ADAD1: variants seen among roughly 807,000 people sequenced by gnomAD.
ADAD1 encodes adenosine deaminase domain containing 1.
Under a neutral mutation model 66.8 loss-of-function variants are expected in ADAD1, and 46 were observed. The observed-to-expected ratio is 0.69, with a 90% CI of 0.54 to 0.88. The LOEUF (loss-of-function observed/expected upper bound fraction) is 0.88, where lower values mean the gene tolerates loss of function less well. Among genes scored for constraint, ADAD1 ranks in the 40% least tolerant of loss-of-function variants. The probability of loss-of-function intolerance (pLI) is 0.00; values close to 1 mark genes in which losing one functional copy is unlikely to be tolerated. For synonymous variants in ADAD1, 248 were observed against 229.4 expected (o/e 1.08, Z -0.73); for missense variants, 617 against 681.8 (o/e 0.91, Z 1.06).
chr4:122,409,219 G>A (rs964240730), intron 8 of ADAD1, among the ~76,000 whole-genome samples: 1 of 152,148 alleles, frequency 6.6e-6, no homozygotes, highest in African/African-American at 2.4e-5. Context: ...GGAATGAATA[G>A]CAAGTGGGAA....
At position 122,412,685 on chromosome 4, in the gene ADAD1, T is replaced by C. The variant is rs1174267394; in HGVS notation, c.1125T>C (p.Asp375=). Residue 375 remains aspartate, a synonymous_variant, in exon 10 of 13, where the codon GAT becomes GAC. Coordinates refer to ENST00000296513, the MANE Select transcript of ADAD1 (RefSeq NM_139243.4). ...ATCTGACTGTTTACTGTCCTAAAGA[T>C]GGTGTTAATAGAATAAGCAGTATGT... is the stretch of plus-strand genomic sequence containing the variant. ...KIYLTVYCPK[D]GVNRISSMSS... The C allele has an allele frequency of 2.5e-6, 4 of 1,613,784 alleles. No homozygotes were observed. Among genetic ancestry groups the C allele is most frequent in the Non-Finnish European group, 3.4e-6 (4 of 1,179,828 alleles).
chr4:122,394,944 T>C (rs972298869), intron 6 of ADAD1, among the ~76,000 whole-genome samples: 4 of 152,222 alleles, frequency 2.6e-5, no homozygotes, highest in African/African-American at 9.6e-5. Flanking sequence ...TTTTGGATGT[T>C]ATAACTTTTG....
chr4:122,393,903 T>A (rs76992382), intron 6 of ADAD1, among the ~76,000 whole-genome samples: 4 of 152,208 alleles, frequency 2.6e-5, no homozygotes, highest in Admixed American at 1.3e-4. Flanking sequence ...ATCAATTTCA[T>A]ACATCTTTTT....
In ADAD1 at chr4:122,397,999, A is replaced by T. The variant is rs186997569; in HGVS notation, c.724+1622A>T. On this transcript the variant is annotated intron_variant, in intron 7 of 12. Coordinates refer to ENST00000296513, the MANE Select transcript of ADAD1 (RefSeq NM_139243.4). ...TAGAAATTTTGCCTCATCAGTTTTTAAAAAATTTCAGTAGTTTTGGGGGAA... is the reference window on the plus strand; with the variant it reads ...TAGAAATTTTGCCTCATCAGTTTTTTAAAAATTTCAGTAGTTTTGGGGGAA... 8.7e-3 allele frequency among the ~76,000 whole-genome samples: 1,323 copies of T among 152,252 alleles called. 24 individuals carry two copies. The highest frequency in any genetic ancestry group is 0.03 in the African/African-American group (1,251 of 41,550).
Position 122,396,239 on chromosome 4 carries a change from G to T in ADAD1, c.599-13G>T. ...ACAATGTTCTTGAAATTTATGTTTT[G>T]ATTTTTTTCTAGAAGGGAGACATAT... is the stretch of plus-strand genomic sequence containing the variant. On this transcript the variant is annotated splice_polypyrimidine_tract_variant and intron_variant, in intron 6 of 12. Transcript: ENST00000296513. 1.9e-6 allele frequency: 3 copies of T among 1,559,272 alleles called. No individual in the cohort carries two copies. The South Asian group carries it at 3.8e-5, about 20-fold the overall frequency.
At chr4:122,384,039 T>G in intron 5 of ADAD1, 73 bp downstream of exon 5, 1 of 1,315,302 alleles carries the variant, frequency 7.6e-7, no homozygotes, top group Non-Finnish European at 1.0e-6. Context: ...AAGATTTATG[T>G]TAATGAGAGT....
chr4:122,429,166 G>A (rs1356765494), intron 12 of ADAD1, among the ~76,000 whole-genome samples: 1 of 151,746 alleles, frequency 6.6e-6, no homozygotes, highest in African/African-American at 2.4e-5. Flanking sequence ...GGCCAGGTGT[G>A]GTGGCTCATG....
At chr4:122,427,342 A>G (rs2150615848) in intron 12 of ADAD1, among the ~76,000 whole-genome samples, 1 of 152,260 alleles carries the variant, frequency 6.6e-6, no homozygotes, top group South Asian at 2.1e-4. Flanking sequence ...TAGATGAGAG[A>G]AATTGAAGGA....
At position 122,411,260 on chromosome 4, in the gene ADAD1, A is replaced by T. The variant is rs200348694; in HGVS notation, c.887A>T (p.Asn296Ile). Residue 296 changes from asparagine (N) to isoleucine (I), a missense_variant, in exon 9 of 13, where the codon AAT (asparagine) becomes ATT (isoleucine). Asn to Ile is a moderately radical substitution (Grantham distance 149). Coordinates refer to ENST00000296513, the MANE Select transcript of ADAD1 (RefSeq NM_139243.4). ...YRQLLLFYSK[N>I]PAMMEKSIFC... Reference sequence around the variant, plus strand: ...CAACTTCTGCTCTTCTACAGCAAAAATCCTGCTATGATGGAAAAATCAATA... The same window carrying T: ...CAACTTCTGCTCTTCTACAGCAAAATTCCTGCTATGATGGAAAAATCAATA... 3.7e-6 allele frequency: 6 copies of T among 1,609,808 alleles called. No homozygotes were observed. In the African/African-American group the frequency reaches 4.0e-5, roughly 11 times the overall value.
At chr4:122,411,568 A>C (rs1796468206) in intron 9 of ADAD1, among the ~76,000 whole-genome samples, 176 bp downstream of exon 9, 1 of 152,114 alleles carries the variant, frequency 6.6e-6, no homozygotes, top group Admixed American at 6.6e-5. Context: ...CGTCAATCTA[A>C]TCTATTACTT....
At chr4:122,382,183 A>C (rs1006735856) in intron 4 of ADAD1, among the ~76,000 whole-genome samples, 13 of 152,364 alleles carry the variant, frequency 8.5e-5, no homozygotes, top group Non-Finnish European at 1.5e-4. Context: ...ATTGTAAGAA[A>C]AAATAAATGA....
At chr4:122,407,166 CTTTG>C (rs1560594111) in intron 7 of ADAD1, among the ~76,000 whole-genome samples, 2 of 151,858 alleles carry the variant, frequency 1.3e-5, no homozygotes, top group African/African-American at 4.8e-5. Context: ...TAGAACTGAA[CTTTG>C]TTTGAAAAAC....
rs368577732 is a variant in ADAD1, at chr4:122,407,943, G to C, written c.760G>C (p.Glu254Gln). The C allele has an allele frequency of 5.1e-5, 82 of 1,613,618 alleles. No individual in the cohort carries two copies. Among genetic ancestry groups the C allele is most frequent in the Non-Finnish European group, 6.7e-5 (79 of 1,179,782 alleles). Residue 254 changes from glutamate to glutamine, a missense_variant, in exon 8 of 13, where the codon GAA becomes CAA. Glu to Gln is a conservative substitution (Grantham distance 29, BLOSUM62 2). Transcript: ENST00000296513. Reference protein sequence around the residue: ...QHEVVAIGTGEYNYSQDIKPD... With the variant: ...QHEVVAIGTGQYNYSQDIKPD... Reference sequence around the variant, plus strand: ...TGAGGTTGTAGCTATAGGCACAGGTGAATACAATTACAGCCAGGACATTAA... The same window carrying C: ...TGAGGTTGTAGCTATAGGCACAGGTCAATACAATTACAGCCAGGACATTAA...
intron 7 of ADAD1, among the ~76,000 whole-genome samples, chr4:122,401,784 G>A (rs1795994120): frequency 6.6e-6 from 1 of 152,042 alleles, no homozygotes; most frequent in Non-Finnish European, 1.5e-5. Context: ...CTGCTTTAAA[G>A]TTTGTTTTAT....
At chr4:122,405,540 T>G (rs1052438272) in intron 7 of ADAD1, among the ~76,000 whole-genome samples, 3 of 152,146 alleles carry the variant, frequency 2.0e-5, no homozygotes, top group African/African-American at 7.2e-5. Context: ...TTAACACAGT[T>G]TACCACTCCT....
intron 10 of ADAD1, among the ~76,000 whole-genome samples, chr4:122,413,444 T>C (rs1388066717): frequency 1.3e-5 from 2 of 152,146 alleles, no homozygotes; most frequent in East Asian, 3.8e-4. Context: ...AAAATTCTCT[T>C]TCTTGACTAT....
chr4:122,407,757 C>CTT (rs1449438425), intron 7 of ADAD1, 151 bp from the exon 8 acceptor site: 1 of 881,106 alleles, frequency 1.1e-6, no homozygotes, highest in Non-Finnish European at 1.6e-6. Context: ...TTAGAAGACT[C>CTT]TAAGACTCTT....
At chr4:122,410,961 ACT>A (rs1301516546) in intron 8 of ADAD1, among the ~76,000 whole-genome samples, 2 of 151,994 alleles carry the variant, frequency 1.3e-5, no homozygotes, top group African/African-American at 2.4e-5. Context: ...TAGTTGGGAG[ACT>A]CTAATGTGAA....
chr4:122,418,863 T>C (rs1049639942), intron 11 of ADAD1, among the ~76,000 whole-genome samples: 1 of 152,086 alleles, frequency 6.6e-6, no homozygotes, highest in African/African-American at 2.4e-5. Context: ...ATGGCTATTA[T>C]CAAAAAGTCA....
Sources: gnomAD v4.1 joint callset for allele counts (sites outside exome capture counted in the v4.1 genomes callset) on GRCh38, gnomAD v4.1.1 for gene constraint, MANE v1.5 for transcripts, NCBI Gene and HGNC (gene_info 2026-07-23, HGNC 2026-07-21) for gene names.